TNRC6B: variants seen among roughly 807,000 people sequenced by gnomAD.
The protein encoded by TNRC6B is trinucleotide repeat-containing gene 6B protein.
A neutral mutation model predicts 203.6 loss-of-function variants in TNRC6B; 52 were observed. That is an observed-to-expected ratio of 0.26 (90% CI 0.20 to 0.32). The LOEUF is 0.32. TNRC6B is among the 10% of genes least tolerant of loss of function. The pLI, the probability that TNRC6B is intolerant of heterozygous loss-of-function variation, is 1.00. For missense variants in TNRC6B, 1,923 were observed against 2,286.2 expected (o/e 0.84, Z 3.24); for synonymous variants, 838 against 845.7 (o/e 0.99, Z 0.16).
chr22:40,133,252 A>T (rs1363496534), intron 3 of TNRC6B, among the ~76,000 whole-genome samples: 2 of 151,978 alleles, frequency 1.3e-5, no homozygotes, highest in Admixed American at 1.3e-4. Flanking sequence ...GGATTTACTG[A>T]CACATGCTGA....
chr22:40,210,031 AAGAG>A (rs914043192), intron 1 of TNRC6B, among the ~76,000 whole-genome samples: 1 of 150,702 alleles, frequency 6.6e-6, no homozygotes, highest in African/African-American at 2.5e-5. Flanking sequence ...AAAAAAAAAA[AAGAG>A]AGAATGCAGA....
At chr22:40,305,964 C>A (rs377666639) in intron 15 of TNRC6B, among the ~76,000 whole-genome samples, 37 of 151,572 alleles carry the variant, frequency 2.4e-4, no homozygotes, top group African/African-American at 8.5e-4. Flanking sequence ...TTTCATTTGT[C>A]ACCAAAAAAG....
At chr22:40,144,121 A>C (rs915337978) in intron 3 of TNRC6B, among the ~76,000 whole-genome samples, 4 of 152,370 alleles carry the variant, frequency 2.6e-5, no homozygotes, top group African/African-American at 9.6e-5. Flanking sequence ...TGTTGGAAGG[A>C]GTGTAAAATG....
rs117236400 is a variant in TNRC6B at position 40,179,168 on chromosome 22, C to T, written c.5+1028C>T. 5.1e-3 allele frequency among the ~76,000 whole-genome samples: 780 copies of T among 152,218 alleles called. 7 individuals are homozygous for T. The highest frequency in any genetic ancestry group is 8.1e-3 in the Non-Finnish European group (551 of 68,002). On this transcript the variant is annotated intron_variant, in intron 1 of 22. Coordinates refer to ENST00000454349, the MANE Select transcript of TNRC6B (RefSeq NM_001162501.2). Reference sequence around the variant, plus strand: ...CTGTGCAGTGCCTGAAGTTAAATTCCATTACTCCTAATGCAGGATTCTGGA... The same window carrying T: ...CTGTGCAGTGCCTGAAGTTAAATTCTATTACTCCTAATGCAGGATTCTGGA...
chr22:40,200,862 C>T (rs2069403349), intron 1 of TNRC6B, among the ~76,000 whole-genome samples: 1 of 152,112 alleles, frequency 6.6e-6, no homozygotes, highest in African/African-American at 2.4e-5. Flanking sequence ...CTTTAAGTTC[C>T]CTCTCATGAG....
At chr22:40,119,759 A>G (rs1209303458) in intron 2 of TNRC6B, among the ~76,000 whole-genome samples, 2 of 152,210 alleles carry the variant, frequency 1.3e-5, no homozygotes, top group Non-Finnish European at 2.9e-5. Context: ...GCACTGATAC[A>G]TTAGACTTTG....
intron 1 of TNRC6B, among the ~76,000 whole-genome samples, chr22:40,182,875 C>CAT (rs2069152056): frequency 6.6e-6 from 1 of 152,172 alleles, no homozygotes; most frequent in Admixed American, 6.5e-5. Context: ...TTTTGCATTA[C>CAT]CTCTGAGAAC....
intron 1 of TNRC6B, among the ~76,000 whole-genome samples, chr22:40,239,481 T>C (rs149795033): frequency 6.6e-6 from 1 of 151,916 alleles, no homozygotes; most frequent in African/African-American, 2.4e-5. Flanking sequence ...TTCTCTAGAG[T>C]TGGAGTTACT....
intron 21 of TNRC6B, among the ~76,000 whole-genome samples, chr22:40,320,422 G>A (rs1036425398): frequency 2.0e-5 from 3 of 152,224 alleles, no homozygotes; most frequent in Admixed American, 1.3e-4. Flanking sequence ...GGAGGTTGCA[G>A]TGAGTCGAGA....
chr22:40,145,088 T>A (rs5995823), intron 3 of TNRC6B, among the ~76,000 whole-genome samples: 38,405 of 129,152 alleles, frequency 0.3, 6,705 homozygotes, highest in African/African-American at 0.55. Flanking sequence ...AAAAAAAAAA[T>A]TTTTTTAATT....
chr22:40,111,176 G>A (rs1309921016), intron 1 of TNRC6B, among the ~76,000 whole-genome samples: 2 of 152,210 alleles, frequency 1.3e-5, no homozygotes, highest in Non-Finnish European at 2.9e-5. Flanking sequence ...TGTCCTGTCC[G>A]TGGGAAGGCA....
rs754500529 is a variant in TNRC6B at position 40,330,223 on chromosome 22, C to T, written c.*6982C>T. On this transcript the variant is annotated 3_prime_UTR_variant, in exon 23 of 23. Coordinates refer to ENST00000454349, the MANE Select transcript of TNRC6B (RefSeq NM_001162501.2). The stretch of plus-strand genomic sequence containing the variant: ...TTTCAAAAAGGGAAATTCCTCTTTA[C>T]TGCTCACAGTAAGCTGCAAAAGAAA... 5 of 152,044 alleles carry T rather than the reference C, an allele frequency of 3.3e-5. No individual in the cohort carries two copies. Among genetic ancestry groups the T allele is most frequent in the African/African-American group, 1.2e-4 (5 of 41,364 alleles). 9.4% of individuals were successfully genotyped at this position (152,044 alleles called of 1,614,324 possible).
chr22:40,318,946 C>T (rs965280667), intron 21 of TNRC6B, among the ~76,000 whole-genome samples: 1 of 152,028 alleles, frequency 6.6e-6, no homozygotes, highest in East Asian at 1.9e-4. Flanking sequence ...TGGTGGGTGT[C>T]TGTAGTCCCA....
At chr22:40,182,931 A>G (rs887646977) in intron 1 of TNRC6B, among the ~76,000 whole-genome samples, 2 of 152,140 alleles carry the variant, frequency 1.3e-5, no homozygotes, top group Admixed American at 6.5e-5. Context: ...CACATCCTTC[A>G]ATTTTACTTT....
At chr22:40,233,932 C>G (rs1008677546) in intron 1 of TNRC6B, among the ~76,000 whole-genome samples, 3 of 152,134 alleles carry the variant, frequency 2.0e-5, no homozygotes, top group South Asian at 2.1e-4. Context: ...CTAGCTATTC[C>G]TAATGTCATC....
intron 1 of TNRC6B, among the ~76,000 whole-genome samples, chr22:40,114,029 T>C (rs1050766341): frequency 6.6e-6 from 1 of 152,164 alleles, no homozygotes; most frequent in Non-Finnish European, 1.5e-5. Flanking sequence ...ATAGGAGTGG[T>C]GAGTCCTGGG....
intron 1 of TNRC6B, among the ~76,000 whole-genome samples, chr22:40,092,845 A>C (rs1005984362): frequency 6.6e-6 from 1 of 152,222 alleles, no homozygotes; most frequent in African/African-American, 2.4e-5. Context: ...TGTAATGTAA[A>C]TGTAATTAGA....
rs10595950 is a variant in TNRC6B at position 40,332,541 on chromosome 22, ATTC to A, written c.*9306_*9308del. The A allele has an allele frequency of 0.15, 22,235 of 152,526 alleles. 1,878 individuals are homozygous for A. Among genetic ancestry groups the A allele is most frequent in the South Asian group, 0.28 (1,370 of 4,814 alleles). The allele number at this position is 152,526 out of a possible 1,614,324, so 9.4% of individuals were successfully genotyped here. ...TATATTCAGTGTTTTCCATGCAGCA[ATTC>A]TTCTTGTTGACGTTCACAGTACTGT... On this transcript the variant is annotated 3_prime_UTR_variant, in exon 23 of 23. Coordinates refer to ENST00000454349, the MANE Select transcript of TNRC6B (RefSeq NM_001162501.2).
At chr22:40,247,482 T>C (rs1363587947) in intron 2 of TNRC6B, among the ~76,000 whole-genome samples, 3 of 152,228 alleles carry the variant, frequency 2.0e-5, no homozygotes, top group Non-Finnish European at 1.5e-5. Context: ...TAAGAAAAAT[T>C]CTGAAAATAG....
Sources: allele counts gnomAD v4.1 joint callset (sites outside exome capture counted in the v4.1 genomes callset), GRCh38; gene constraint gnomAD v4.1.1; transcripts MANE v1.5; gene names NCBI Gene and HGNC (gene_info 2026-07-23, HGNC 2026-07-21).